LEPROTL1: variants seen among roughly 807,000 people sequenced by gnomAD.
LEPROTL1 encodes the protein leptin receptor overlapping transcript-like 1.
Under a neutral mutation model 15.4 loss-of-function variants are expected in LEPROTL1, and 6 were observed. That is an observed-to-expected ratio of 0.39 (90% confidence interval 0.21 to 0.77). LEPROTL1 has a LOEUF of 0.77. Ranked by LOEUF, LEPROTL1 falls within the 30% of genes least tolerant of loss-of-function variation. The probability of loss-of-function intolerance (pLI) is 0.41; values close to 1 mark genes in which losing one functional copy is unlikely to be tolerated. For synonymous variants in LEPROTL1, 56 were observed against 52.6 expected (o/e 1.06, Z -0.28); for missense variants, 128 against 158.1 (o/e 0.81, Z 1.02).
intron 4 of LEPROTL1, among the ~76,000 whole-genome samples, chr8:30,134,849 TA>T (rs1803105209): frequency 1.3e-5 from 2 of 151,316 alleles, no homozygotes; most frequent in African/African-American, 2.4e-5. Context: ...CTCCCAGCCA[TA>T]AGCATCCTTT....
At chr8:30,115,247 C>G (rs1451895503) in intron 3 of LEPROTL1, among the ~76,000 whole-genome samples, 1 of 152,000 alleles carries the variant, frequency 6.6e-6, no homozygotes, top group Non-Finnish European at 1.5e-5. Flanking sequence ...GTCCCATCTA[C>G]TCCAGAGGCT....
In LEPROTL1 at chr8:30,107,054, T is replaced by C. The variant is rs1320107698; in HGVS notation, c.*1192T>C. On this transcript the variant is annotated 3_prime_UTR_variant, in exon 4 of 4. Transcript: ENST00000321250. ...ATTTAGACCATGGTAATAGTAGTTCTTATTCTCTAAGGTTATATCATATGT... is the reference window on the plus strand; with the variant it reads ...ATTTAGACCATGGTAATAGTAGTTCCTATTCTCTAAGGTTATATCATATGT... 1.0e-6 allele frequency: 1 copy of C among 974,200 alleles called. No homozygotes were observed. Among genetic ancestry groups the C allele is most frequent in the Non-Finnish European group, 1.2e-6 (1 of 819,748 alleles). 60.3% of individuals were successfully genotyped at this position (974,200 alleles called of 1,614,324 possible).
intron 1 of LEPROTL1, 84 bp from the exon 2 acceptor site, chr8:30,101,814 G>T (rs367600541): frequency 6.1e-6 from 5 of 813,964 alleles, no homozygotes; most frequent in Non-Finnish European, 9.9e-6. Flanking sequence ...TGCTTCTGAG[G>T]TTACAGATAA....
intron 4 of LEPROTL1, among the ~76,000 whole-genome samples, chr8:30,136,833 G>A (rs1413526422): frequency 1.3e-5 from 2 of 151,414 alleles, no homozygotes; most frequent in South Asian, 2.1e-4. Flanking sequence ...GATTCCAGGC[G>A]TCCGCCACTA....
At chr8:30,103,213 G>A (rs1585463536) in intron 2 of LEPROTL1, among the ~76,000 whole-genome samples, 1 of 152,128 alleles carries the variant, frequency 6.6e-6, no homozygotes, top group African/African-American at 2.4e-5. Context: ...AAAAGAATGA[G>A]GAAGAGCTGT....
intron 2 of LEPROTL1, among the ~76,000 whole-genome samples, chr8:30,102,737 A>G (rs1802490705): frequency 6.6e-6 from 1 of 152,150 alleles, no homozygotes; most frequent in Non-Finnish European, 1.5e-5. Flanking sequence ...TTAGAAAAAG[A>G]TGGACAACTC....
At chr8:30,104,148 G>A (rs1802517443) in intron 2 of LEPROTL1, 152 bp from the exon 3 acceptor site, 4 of 435,444 alleles carry the variant, frequency 9.2e-6, no homozygotes, top group Non-Finnish European at 1.2e-5. Context: ...CGTGTTGTAA[G>A]GGAAGTTTAG....
At chr8:30,126,163 G>A (rs1802902359) in intron 3 of LEPROTL1, among the ~76,000 whole-genome samples, 1 of 152,136 alleles carries the variant, frequency 6.6e-6, no homozygotes, top group Non-Finnish European at 1.5e-5. Flanking sequence ...ACCTCCTGTT[G>A]TGTGGCTCAG....
downstream of LEPROTL1, among the ~76,000 whole-genome samples, chr8:30,110,075 T>C (rs1200958919): frequency 1.3e-5 from 2 of 152,184 alleles, no homozygotes; most frequent in African/African-American, 4.8e-5. Context: ...GTTTAGTTAC[T>C]GAAAGTTTAG....
At chr8:30,137,622 A>C in exon 5 of LEPROTL1, 1 of 771,722 alleles carries the variant, frequency 1.3e-6, no homozygotes. Context: ...TATAACTGAG[A>C]CAGTGAAAGA....
intron 3 of LEPROTL1, among the ~76,000 whole-genome samples, chr8:30,121,789 T>A (rs2117514456): frequency 6.6e-6 from 1 of 152,212 alleles, no homozygotes; most frequent in South Asian, 2.1e-4. Context: ...GTGTGGGGTC[T>A]AACAGGAAAG....
downstream of LEPROTL1, among the ~76,000 whole-genome samples, chr8:30,110,837 A>T (rs997253693): frequency 6.6e-6 from 1 of 152,226 alleles, no homozygotes; most frequent in Non-Finnish European, 1.5e-5. Context: ...ACTAAAGAAT[A>T]AACCTGAGTA....
At chr8:30,133,074 T>G in intron 4 of LEPROTL1, among the ~76,000 whole-genome samples, 1 of 152,110 alleles carries the variant, frequency 6.6e-6, no homozygotes, top group East Asian at 1.9e-4. Context: ...ATAAAATAAA[T>G]CAATCTTATT....
At chr8:30,116,962 C>G (rs928959636) in intron 3 of LEPROTL1, among the ~76,000 whole-genome samples, 1 of 152,034 alleles carries the variant, frequency 6.6e-6, no homozygotes, top group Non-Finnish European at 1.5e-5. Flanking sequence ...TTATAGGACA[C>G]CCAGCTAGTG....
intron 4 of LEPROTL1, among the ~76,000 whole-genome samples, chr8:30,133,788 C>A (rs1260878792): frequency 0.012 from 1,421 of 122,722 alleles, no homozygotes; most frequent in Middle Eastern, 0.016. Flanking sequence ...GACCCTGTCT[C>A]AAAAAAAAAA....
chr8:30,126,524 T>C (rs548510964), intron 3 of LEPROTL1, among the ~76,000 whole-genome samples: 1 of 152,340 alleles, frequency 6.6e-6, no homozygotes, highest in East Asian at 1.9e-4. Flanking sequence ...TGTGTATCAG[T>C]GAAGCCTTCC....
At chr8:30,125,981 A>G (rs920456194) in intron 3 of LEPROTL1, among the ~76,000 whole-genome samples, 1 of 152,252 alleles carries the variant, frequency 6.6e-6, no homozygotes, top group Admixed American at 6.5e-5. Context: ...CTCTTAGACT[A>G]TGGAGAATCA....
rs1802577638 is a variant in LEPROTL1 at position 30,106,945 on chromosome 8, A to C, written c.*1083A>C. On this transcript the variant is annotated 3_prime_UTR_variant, in exon 4 of 4. Coordinates refer to ENST00000321250, the MANE Select transcript of LEPROTL1 (RefSeq NM_015344.3). Reference sequence around the variant, plus strand: ...AATAATTGCTATGCCGTACATTCAGAGTGCCCCCTCCCCTGCAAGGCCTTG... The same window carrying C: ...AATAATTGCTATGCCGTACATTCAGCGTGCCCCCTCCCCTGCAAGGCCTTG... 28 of 985,590 alleles carry C rather than the reference A, an allele frequency of 2.8e-5. No homozygotes were observed. Among genetic ancestry groups the C allele is most frequent in the Non-Finnish European group, 3.3e-5 (27 of 829,824 alleles). 61.1% of individuals were successfully genotyped at this position (985,590 alleles called of 1,614,324 possible). A position where few individuals can be genotyped will look rare whatever the true frequency, so the allele number is the denominator to read the frequency against.
At chr8:30,103,202 A>T (rs1246961586) in intron 2 of LEPROTL1, among the ~76,000 whole-genome samples, 1 of 151,854 alleles carries the variant, frequency 6.6e-6, no homozygotes, top group East Asian at 1.9e-4. Context: ...AGGCAGTCTT[A>T]AAAAGAATGA....
Sources: allele counts gnomAD v4.1 joint callset (sites outside exome capture counted in the v4.1 genomes callset), GRCh38; gene constraint gnomAD v4.1.1; transcripts MANE v1.5; gene names NCBI Gene and HGNC (gene_info 2026-07-23, HGNC 2026-07-21).